CSMD1: variants seen among roughly 807,000 people sequenced by gnomAD.
CSMD1 encodes CUB and sushi domain-containing protein 1.
In CSMD1, 213 loss-of-function variants were observed where a neutral mutation model predicts 417.5. That is an observed-to-expected ratio of 0.51 (90% confidence interval 0.46 to 0.57). The LOEUF (loss-of-function observed/expected upper bound fraction) is 0.57, where lower values mean the gene tolerates loss of function less well. CSMD1 is among the 20% of genes least tolerant of loss of function. CSMD1 has a pLI of 0.00. For synonymous variants in CSMD1, 2,862 were observed against 1,736.8 expected (o/e 1.65, Z -16.11); for missense variants, 6,923 against 4,529.7 (o/e 1.53, Z -15.17).
intron 4 of CSMD1, among the ~76,000 whole-genome samples, chr8:4,028,458 C>G (rs576061441): frequency 3.8e-4 from 57 of 151,378 alleles, no homozygotes; most frequent in Non-Finnish European, 6.8e-4. Context: ...ATTATGAATA[C>G]AATAAACACC....
At chr8:4,983,926 G>C (rs1013018807) in intron 1 of CSMD1, among the ~76,000 whole-genome samples, 3 of 152,110 alleles carry the variant, frequency 2.0e-5, no homozygotes, top group East Asian at 1.9e-4. Flanking sequence ...AGGTGGAATA[G>C]AAAACTCCTC....
intron 23 of CSMD1, among the ~76,000 whole-genome samples, chr8:3,314,911 G>C (rs966679828): frequency 6.6e-6 from 1 of 152,216 alleles, no homozygotes; most frequent in Non-Finnish European, 1.5e-5. Context: ...ACAGTAATGT[G>C]AGTTTTTTCA....
chr8:3,059,466 G>A (rs1812447721), intron 49 of CSMD1, among the ~76,000 whole-genome samples: 1 of 152,182 alleles, frequency 6.6e-6, no homozygotes, highest in Non-Finnish European at 1.5e-5. Flanking sequence ...GGCTGTTTGT[G>A]AGCCGCTGTG....
At chr8:3,078,572 C>T (rs146524364) in intron 49 of CSMD1, among the ~76,000 whole-genome samples, 99 of 152,278 alleles carry the variant, frequency 6.5e-4, no homozygotes, top group African/African-American at 2.2e-3. Context: ...TGGGTCGAAA[C>T]CAGCCTGCAG....
At chr8:3,039,443 TCTTCCTTTCCTCCTTCCTTCCCATTC>T (rs930758962) in intron 50 of CSMD1, among the ~76,000 whole-genome samples, 4 of 144,070 alleles carry the variant, frequency 2.8e-5, no homozygotes, top group African/African-American at 1.0e-4. Flanking sequence ...CTCCCTCCTT[TCTTCCTTTCCTCCTTCCTTCCCATTC>T]CTTCCTTTCC....
intron 2 of CSMD1, among the ~76,000 whole-genome samples, chr8:4,615,296 G>C (rs879932227): frequency 6.6e-6 from 1 of 152,122 alleles, no homozygotes; most frequent in African/African-American, 2.4e-5. Context: ...TCTTCACATT[G>C]GGTTTACGCA....
chr8:4,711,697 G>A (rs536369550), intron 1 of CSMD1, among the ~76,000 whole-genome samples: 3 of 151,918 alleles, frequency 2.0e-5, no homozygotes, highest in African/African-American at 7.3e-5. Flanking sequence ...TAAAGTCTTT[G>A]AGTCTAAAAA....
At chr8:3,453,344 C>G (rs1460474681) in intron 12 of CSMD1, among the ~76,000 whole-genome samples, 3 of 151,912 alleles carry the variant, frequency 2.0e-5, no homozygotes, top group Non-Finnish European at 4.4e-5. Flanking sequence ...TATTTCTCAC[C>G]TTCTGCTGGC....
chr8:4,203,198 C>T lies in CSMD1; in HGVS notation c.416-171099G>A, dbSNP rs1799766228. ...TTAAAAAATCGTCAGTGAGATGCAA[C>T]CTTGCTGGCTTTGAAGATGGAGAAA... is the stretch of plus-strand genomic sequence containing the variant. On this transcript the variant is annotated intron_variant, in intron 3 of 69. Coordinates refer to ENST00000635120, the MANE Select transcript of CSMD1 (RefSeq NM_033225.6). 1.3e-5 allele frequency among the ~76,000 whole-genome samples: 2 copies of T among 152,150 alleles called. 1 individual carries two copies. Among genetic ancestry groups the T allele is most frequent in the South Asian group, 4.1e-4 (2 of 4,822 alleles).
At chr8:4,173,549 GA>G (rs1157169270) in intron 3 of CSMD1, among the ~76,000 whole-genome samples, 1 of 152,080 alleles carries the variant, frequency 6.6e-6, no homozygotes, top group Non-Finnish European at 1.5e-5. Flanking sequence ...CAAGAAAGGA[GA>G]AAGATAAAAT....
At chr8:4,105,505 A>G (rs1801522426) in intron 3 of CSMD1, among the ~76,000 whole-genome samples, 2 of 152,340 alleles carry the variant, frequency 1.3e-5, no homozygotes, top group South Asian at 4.1e-4. Flanking sequence ...AGATGGTTCT[A>G]GGCTTCATTA....
intron 40 of CSMD1, among the ~76,000 whole-genome samples, chr8:3,145,252 C>T (rs1412394259): frequency 6.6e-6 from 1 of 152,038 alleles, no homozygotes; most frequent in African/African-American, 2.4e-5. Context: ...GTCCAGAGTA[C>T]CAGACAGAAG....
At chr8:4,210,929 A>G (rs1277212010) in intron 3 of CSMD1, among the ~76,000 whole-genome samples, 1 of 152,164 alleles carries the variant, frequency 6.6e-6, no homozygotes, top group Non-Finnish European at 1.5e-5. Flanking sequence ...GAAAAACTCG[A>G]TTGTCTGGAG....
rs116469727 is a variant in CSMD1, at chr8:4,103,987, A to G, written c.416-71888T>C. 5.3e-3 allele frequency among the ~76,000 whole-genome samples: 812 copies of G among 152,290 alleles called. 6 individuals carry two copies. Among genetic ancestry groups the G allele is most frequent in the African/African-American group, 0.019 (778 of 41,554 alleles). On this transcript the variant is annotated intron_variant, in intron 3 of 69. Coordinates refer to ENST00000635120, the MANE Select transcript of CSMD1 (RefSeq NM_033225.6). Reference sequence around the variant, plus strand: ...AGACGCGTGAGCTCCTGATGTTCTAAGAGTGCCCCAGCTGCACACCTGCAC... The same window carrying G: ...AGACGCGTGAGCTCCTGATGTTCTAGGAGTGCCCCAGCTGCACACCTGCAC...
intron 1 of CSMD1, among the ~76,000 whole-genome samples, chr8:4,881,532 AGT>A (rs780762084): frequency 1.2e-4 from 5 of 40,844 alleles, no homozygotes; most frequent in Non-Finnish European, 1.7e-4. Flanking sequence ...ACTCGAAGTT[AGT>A]TTTTTTTTTT....
chr8:4,355,850 G>C (rs533017812), intron 3 of CSMD1, among the ~76,000 whole-genome samples: 5 of 152,244 alleles, frequency 3.3e-5, no homozygotes, highest in Non-Finnish European at 5.9e-5. Flanking sequence ...AAGTAGAGGA[G>C]CTTTGGAGGA....
At chr8:4,350,362 G>A (rs747256074) in intron 3 of CSMD1, among the ~76,000 whole-genome samples, 15 of 152,140 alleles carry the variant, frequency 9.9e-5, no homozygotes, top group African/African-American at 2.9e-4. Context: ...AAGAAATGGA[G>A]AAAAATCAAA....
intron 3 of CSMD1, among the ~76,000 whole-genome samples, chr8:4,125,183 C>A (rs1253417896): frequency 6.6e-6 from 1 of 152,030 alleles, no homozygotes; most frequent in Admixed American, 6.6e-5. Context: ...CTCTTGGGGC[C>A]CCAAAATTAC....
chr8:4,787,178 G>T (rs75152972), intron 1 of CSMD1, among the ~76,000 whole-genome samples: 17 of 152,204 alleles, frequency 1.1e-4, no homozygotes, highest in Non-Finnish European at 2.2e-4. Context: ...AGCGGAGCTC[G>T]GAAAGAGTGG....
Sources: allele counts gnomAD v4.1 joint callset (sites outside exome capture counted in the v4.1 genomes callset), GRCh38; gene constraint gnomAD v4.1.1; transcripts MANE v1.5; gene names NCBI Gene and HGNC (gene_info 2026-07-23, HGNC 2026-07-21).